MYO1H: variants seen among roughly 807,000 people sequenced by gnomAD.
MYO1H encodes the protein unconventional myosin-Ih.
Under a neutral mutation model 149.3 loss-of-function variants are expected in MYO1H, and 118 were observed. That is an observed-to-expected ratio of 0.79 (90% CI 0.68 to 0.92). The LOEUF is 0.92. Ranked by LOEUF, MYO1H falls within the 40% of genes least tolerant of loss-of-function variation. MYO1H has a pLI of 0.00. For synonymous variants in MYO1H, 447 were observed against 465.2 expected (o/e 0.96, Z 0.50); for missense variants, 1,212 against 1,280.7 (o/e 0.95, Z 0.82).
intron 6 of MYO1H, among the ~76,000 whole-genome samples, chr12:109,403,247 T>TA (rs982705065): frequency 1.3e-5 from 2 of 151,958 alleles, no homozygotes; most frequent in South Asian, 2.1e-4. Context: ...GTTACATATG[T>TA]AAAAAAAAAT....
intron 1 of MYO1H, among the ~76,000 whole-genome samples, chr12:109,369,504 CTGTT>C (rs1286565669): frequency 1.3e-5 from 2 of 152,108 alleles, no homozygotes; most frequent in African/African-American, 2.4e-5. Flanking sequence ...GCTTTTCAGA[CTGTT>C]TGACGCTTAA....
At chr12:109,445,864 C>A in intron 31 of MYO1H, 1 of 985,390 alleles carries the variant, frequency 1.0e-6, no homozygotes, top group Non-Finnish European at 1.2e-6. Flanking sequence ...ACATGAGACA[C>A]TTCCCAAATA....
chr12:109,435,410 A>C (rs1384904097), intron 21 of MYO1H, among the ~76,000 whole-genome samples: 3 of 152,208 alleles, frequency 2.0e-5, no homozygotes, highest in Non-Finnish European at 4.4e-5. Flanking sequence ...CAGCCCCTTG[A>C]AATTAAAGTT....
At chr12:109,376,464 G>A (rs1057192881) in intron 1 of MYO1H, among the ~76,000 whole-genome samples, 1 of 152,138 alleles carries the variant, frequency 6.6e-6, no homozygotes, top group African/African-American at 2.4e-5. Context: ...TTAATCCACT[G>A]AAAATTACTT....
chr12:109,421,093 T>C, intron 16 of MYO1H, 66 bp downstream of exon 16: 1 of 1,182,016 alleles, frequency 8.5e-7, no homozygotes, highest in Non-Finnish European at 1.2e-6. Context: ...ATAGTGATTT[T>C]GGTAGAATTC....
At chr12:109,399,680 G>C (rs545444182) in intron 5 of MYO1H, among the ~76,000 whole-genome samples, 112 of 152,050 alleles carry the variant, frequency 7.4e-4, no homozygotes, top group Admixed American at 3.1e-3. Context: ...GGGAGGTCGA[G>C]GTGAGAGGAT....
intron 1 of MYO1H, among the ~76,000 whole-genome samples, chr12:109,361,480 A>G (rs1868746945): frequency 6.6e-6 from 1 of 152,246 alleles, no homozygotes; most frequent in Non-Finnish European, 1.5e-5. Context: ...ACTGGCATAG[A>G]GATGAGCACA....
rs79515388 is a variant in MYO1H, at chr12:109,412,086, T to C, written c.1502+101T>C. The C allele has an allele frequency of 2.5e-3, 1,820 of 732,236 alleles. 35 individuals carry two copies. In the East Asian group the frequency reaches 0.04, roughly 16 times the overall value. The allele number at this position is 732,236 out of a possible 1,614,324, so 45.4% of individuals were successfully genotyped here. On this transcript the variant is annotated intron_variant, in intron 14 of 31. Coordinates refer to ENST00000310903, the Ensembl canonical transcript of MYO1H. ...GTTCTTCAAGAGAACAACTACTTCATACATAAAAATATCTTTATGTATACC... is the reference window on the plus strand; with the variant it reads ...GTTCTTCAAGAGAACAACTACTTCACACATAAAAATATCTTTATGTATACC...
chr12:109,347,141 A>T (rs1390062538), upstream of MYO1H, among the ~76,000 whole-genome samples: 1 of 152,180 alleles, frequency 6.6e-6, no homozygotes, highest in Non-Finnish European at 1.5e-5. Context: ...CCAGCACTGA[A>T]TCCACTGTCC....
intron 26 of MYO1H, 88 bp downstream of exon 26, chr12:109,441,796 C>T (rs1426156149): frequency 3.3e-6 from 3 of 916,484 alleles, no homozygotes; most frequent in Non-Finnish European, 5.0e-6. Flanking sequence ...CCCATAATCT[C>T]AGCACTTTGG....
At chr12:109,386,779 T>C (rs1290463089) in intron 1 of MYO1H, among the ~76,000 whole-genome samples, 1 of 152,242 alleles carries the variant, frequency 6.6e-6, no homozygotes. Flanking sequence ...TGCTGTTCTG[T>C]GACTTGCCTA....
intron 1 of MYO1H, among the ~76,000 whole-genome samples, chr12:109,376,167 TCA>T (rs1441284825): frequency 6.6e-6 from 1 of 152,236 alleles, no homozygotes; most frequent in Non-Finnish European, 1.5e-5. Flanking sequence ...TTCAGTTTAT[TCA>T]CAGAGTTACA....
At chr12:109,327,936 A>G in the MYO1H span, among the ~76,000 whole-genome samples, 2 of 151,688 alleles carry the variant, frequency 1.3e-5, no homozygotes, top group Non-Finnish European at 2.9e-5. Context: ...AATGCTTTCT[A>G]TGCATCAACT....
chr12:109,441,832 A>C (rs2135602535), intron 26 of MYO1H, 124 bp downstream of exon 26: 1 of 633,698 alleles, frequency 1.6e-6, no homozygotes, highest in Admixed American at 3.1e-5. Flanking sequence ...GGATTGCCTG[A>C]GCTCAGGAGT....
rs59471788 is a variant in MYO1H at position 109,419,187 on chromosome 12, TACACACAC to T, written c.1598-1771_1598-1764del. Among the ~76,000 whole-genome samples the T allele has an allele frequency of 4.0e-3, 589 of 148,770 alleles. 8 individuals carry two copies. Among genetic ancestry groups the T allele is most frequent in the African/African-American group, 0.013 (549 of 40,732 alleles). On this transcript the variant is annotated intron_variant, in intron 15 of 31. Transcript: ENST00000310903. Reference sequence around the variant, plus strand: ...TTTTCTGCATATACCTATGTGAGGATACACACACACACACACACACACACACACACTCA... The same window carrying T: ...TTTTCTGCATATACCTATGTGAGGATACACACACACACACACACACACTCA...
intron 1 of MYO1H, among the ~76,000 whole-genome samples, chr12:109,375,057 G>A (rs1869061815): frequency 6.6e-6 from 1 of 151,858 alleles, no homozygotes; most frequent in Non-Finnish European, 1.5e-5. Flanking sequence ...GTTTCGCCAT[G>A]TTGGCCAGGC....
At chr12:109,430,742 G>A (rs1245613761) in intron 19 of MYO1H, among the ~76,000 whole-genome samples, 1 of 151,876 alleles carries the variant, frequency 6.6e-6, no homozygotes, top group Non-Finnish European at 1.5e-5. Flanking sequence ...CCTGGCCAAC[G>A]TGGAGAAACC....
intron 24 of MYO1H, 70 bp downstream of exon 24, chr12:109,439,860 T>C: frequency 7.2e-7 from 1 of 1,393,538 alleles, no homozygotes; most frequent in Non-Finnish European, 1.0e-6. Context: ...CTCTTGCATG[T>C]CTTTGTGCTG....
intron 23 of MYO1H, chr12:109,439,398 C>T: frequency 2.4e-6 from 1 of 417,176 alleles, no homozygotes; most frequent in East Asian, 4.0e-5. Flanking sequence ...GGCTTTTATG[C>T]CCTGCTTCCT....
Sources: allele counts gnomAD v4.1 joint callset (sites outside exome capture counted in the v4.1 genomes callset), GRCh38; gene constraint gnomAD v4.1.1; transcripts MANE v1.5; gene names NCBI Gene and HGNC (gene_info 2026-07-23, HGNC 2026-07-21).